ANK2: variants seen among roughly 807,000 people sequenced by gnomAD.
ANK2 encodes the protein ankyrin 2.
A neutral mutation model predicts 360.5 loss-of-function variants in ANK2; 83 were observed. The ratio of observed to expected loss-of-function variants is 0.23; its 90% CI spans 0.19 to 0.28. The LOEUF is 0.28. ANK2 is among the 10% of genes least tolerant of loss of function. The pLI is 1.00. For synonymous variants in ANK2, 1,740 were observed against 1,759.5 expected (o/e 0.99, Z 0.28); for missense variants, 4,201 against 4,795.7 (o/e 0.88, Z 3.66).
the ANK2 span, among the ~76,000 whole-genome samples, chr4:112,721,303 G>A: frequency 6.6e-6 from 1 of 152,132 alleles, no homozygotes; most frequent in Non-Finnish European, 1.5e-5. Context: ...ACTTTGGGAG[G>A]CCAAGGCAGG....
At chr4:112,958,903 C>CGAT (rs2154259206) in intron 2 of ANK2, among the ~76,000 whole-genome samples, 1 of 151,814 alleles carries the variant, frequency 6.6e-6, no homozygotes, top group South Asian at 2.1e-4. Flanking sequence ...GGCTGGAGTG[C>CGAT]GATGGCATGA....
chr4:113,251,682 C>T (rs543727550), intron 10 of ANK2, among the ~76,000 whole-genome samples: 118 of 151,742 alleles, frequency 7.8e-4, no homozygotes, highest in African/African-American at 2.6e-3. Context: ...CGGGGTTTCA[C>T]CGTGTTAGCC....
chr4:112,895,596 A>G (rs1225686528), intron 1 of ANK2, among the ~76,000 whole-genome samples: 2 of 152,200 alleles, frequency 1.3e-5, no homozygotes, highest in South Asian at 2.1e-4. Context: ...TTTTGCTATT[A>G]TGCTCAGATA....
chr4:112,878,155 C>CATCTATCTATCT (rs10525579), intron 1 of ANK2, among the ~76,000 whole-genome samples: 6,796 of 147,588 alleles, frequency 0.046, 232 homozygotes, highest in East Asian at 0.17. Context: ...ACTTTAGACT[C>CATCTATCTATCT]ATCTATCTAT....
chr4:112,831,056 C>G (rs560143951), intron 1 of ANK2, among the ~76,000 whole-genome samples: 1 of 152,224 alleles, frequency 6.6e-6, no homozygotes, highest in African/African-American at 2.4e-5. Context: ...GGGCAGGGCT[C>G]GGGACCTGCA....
chr4:113,208,802 GT>G (rs2098986022), intron 4 of ANK2, among the ~76,000 whole-genome samples: 1 of 151,862 alleles, frequency 6.6e-6, no homozygotes, highest in Admixed American at 6.6e-5. Flanking sequence ...TTTGTTTCTG[GT>G]TTTGTTTTTG....
chr4:113,157,706 C>T (rs925051346), intron 1 of ANK2, among the ~76,000 whole-genome samples: 1 of 152,194 alleles, frequency 6.6e-6, no homozygotes, highest in African/African-American at 2.4e-5. Flanking sequence ...CAGGAAGCAG[C>T]AGCCACTCCT....
At chr4:112,960,052 A>G (rs1395876606) in intron 2 of ANK2, among the ~76,000 whole-genome samples, 3 of 152,170 alleles carry the variant, frequency 2.0e-5, no homozygotes, top group Non-Finnish European at 4.4e-5. Context: ...CAATGATAAT[A>G]ATAATAATTT....
At chr4:113,311,734 A>G (rs2080067629) in intron 24 of ANK2, among the ~76,000 whole-genome samples, 1 of 152,210 alleles carries the variant, frequency 6.6e-6, no homozygotes, top group South Asian at 2.1e-4. Flanking sequence ...ATTTTGCCTT[A>G]TAGACATTCT....
chr4:112,901,695 T>A (rs966273776), intron 1 of ANK2, among the ~76,000 whole-genome samples: 1 of 151,942 alleles, frequency 6.6e-6, no homozygotes, highest in African/African-American at 2.4e-5. Flanking sequence ...ACCCCGTCTC[T>A]ACTAAAAATA....
chr4:112,718,948 C>T, the ANK2 span, among the ~76,000 whole-genome samples: 3 of 138,490 alleles, frequency 2.2e-5, no homozygotes, highest in Middle Eastern at 7.6e-3. Context: ...CATGAGCCAC[C>T]GCTCCCGGTC....
chr4:112,738,024 A>G, the ANK2 span, among the ~76,000 whole-genome samples: 1 of 152,238 alleles, frequency 6.6e-6, no homozygotes, highest in Admixed American at 6.5e-5. Flanking sequence ...ACCTTGATGT[A>G]TAAGAGAATA....
At chr4:113,121,048 A>G (rs892358917) in intron 1 of ANK2, among the ~76,000 whole-genome samples, 11 of 152,202 alleles carry the variant, frequency 7.2e-5, no homozygotes, top group African/African-American at 2.7e-4. Context: ...TGCTTAAAAC[A>G]TTCTTTTTAT....
chr4:113,308,000 A>C (rs1270302005), intron 23 of ANK2, among the ~76,000 whole-genome samples: 1 of 152,248 alleles, frequency 6.6e-6, no homozygotes, highest in East Asian at 1.9e-4. Flanking sequence ...CAAGTATAGG[A>C]AATAATAAAG....
At chr4:112,831,961 G>A (rs1307800923) in intron 1 of ANK2, among the ~76,000 whole-genome samples, 3 of 152,086 alleles carry the variant, frequency 2.0e-5, no homozygotes, top group East Asian at 1.9e-4. Flanking sequence ...CTGAACATCT[G>A]AAGGAAAAAA....
the ANK2 span, among the ~76,000 whole-genome samples, chr4:112,786,121 C>G: frequency 6.6e-6 from 1 of 151,854 alleles, no homozygotes; most frequent in Non-Finnish European, 1.5e-5. Context: ...GGATTACAGG[C>G]ATGAGCCACC....
intron 1 of ANK2, among the ~76,000 whole-genome samples, chr4:113,091,361 G>A (rs777499022): frequency 3.3e-5 from 5 of 152,156 alleles, no homozygotes; most frequent in South Asian, 2.1e-4. Context: ...TAACTAAATA[G>A]TAGACCTTTC....
chr4:113,020,996 A>G (rs1481642474), intron 2 of ANK2, among the ~76,000 whole-genome samples: 1 of 152,182 alleles, frequency 6.6e-6, no homozygotes, highest in Non-Finnish European at 1.5e-5. Flanking sequence ...ACTTTTTCAC[A>G]GATATTCATT....
intron 1 of ANK2, among the ~76,000 whole-genome samples, chr4:112,862,929 G>T (rs1160375659): frequency 6.6e-6 from 1 of 152,076 alleles, no homozygotes; most frequent in Non-Finnish European, 1.5e-5. Flanking sequence ...GAGGATTCAG[G>T]AAACTCCAGA....
Sources: allele counts gnomAD v4.1 joint callset (sites outside exome capture counted in the v4.1 genomes callset), GRCh38; gene constraint gnomAD v4.1.1; transcripts MANE v1.5; gene names NCBI Gene and HGNC (gene_info 2026-07-23, HGNC 2026-07-21).